The following MYO3B variants were observed in gnomAD, a reference collection of about 807,000 sequenced individuals.
MYO3B encodes myosin IIIB.
MYO3B carries 156 observed loss-of-function variants against 174.6 expected under a neutral mutation model. The ratio of observed to expected loss-of-function variants is 0.89; its 90% CI spans 0.78 to 1.02. The LOEUF (loss-of-function observed/expected upper bound fraction) is 1.02. Among genes scored for constraint, MYO3B ranks in the 50% least tolerant of loss-of-function variants. The pLI is 0.00. For missense variants in MYO3B, 1,632 were observed against 1,639.4 expected (o/e 1.00, Z 0.08); for synonymous variants, 563 against 569.1 (o/e 0.99, Z 0.15).
intron 12 of MYO3B, among the ~76,000 whole-genome samples, chr2:170,385,123 A>T (rs1263164554): frequency 7.9e-5 from 12 of 152,060 alleles, no homozygotes; most frequent in African/African-American, 2.9e-4. Flanking sequence ...TGGGGGGAGG[A>T]AGGGGGCATG....
At chr2:170,183,944 A>G (rs1461967761) in intron 1 of MYO3B, among the ~76,000 whole-genome samples, 1 of 152,124 alleles carries the variant, frequency 6.6e-6, no homozygotes, top group Non-Finnish European at 1.5e-5. Context: ...ATGGTGTTTC[A>G]TACTTTGATA....
At chr2:170,551,309 A>G (rs746066144) in intron 32 of MYO3B, among the ~76,000 whole-genome samples, 1 of 148,824 alleles carries the variant, frequency 6.7e-6, no homozygotes, top group Non-Finnish European at 1.5e-5. Flanking sequence ...GCCCCACCAG[A>G]TCTGAATGTT....
chr2:170,577,203 A>G (rs1692838939), intron 32 of MYO3B, among the ~76,000 whole-genome samples: 1 of 152,256 alleles, frequency 6.6e-6, no homozygotes, highest in Non-Finnish European at 1.5e-5. Flanking sequence ...AAAAAATTCT[A>G]TGTAAAGCTA....
At chr2:170,421,691 C>G (rs2094616445) in intron 22 of MYO3B, among the ~76,000 whole-genome samples, 1 of 152,178 alleles carries the variant, frequency 6.6e-6, no homozygotes, top group South Asian at 2.1e-4. Flanking sequence ...GAACTTCACA[C>G]CTTCCTGGCT....
At chr2:170,473,607 T>C (rs1685122085) in intron 25 of MYO3B, among the ~76,000 whole-genome samples, 1 of 152,202 alleles carries the variant, frequency 6.6e-6, no homozygotes, top group South Asian at 2.1e-4. Flanking sequence ...AGGTAAGTCA[T>C]AGTAGCTCTT....
rs141776814 is a variant in MYO3B at position 170,310,415 on chromosome 2, C to T, written c.750-24970C>T. ...CAGTGGCTCATGCCTGTGATCCCAG[C>T]ACTTTGCGAGACCGAGGCGGGCGGA... is the stretch of plus-strand genomic sequence containing the variant. On this transcript the variant is annotated intron_variant, in intron 7 of 34. Transcript: ENST00000408978. Among the ~76,000 whole-genome samples, 89 of 152,226 alleles carry T rather than the reference C, an allele frequency of 5.8e-4. No homozygotes were observed. The East Asian group carries it at 0.013, about 22-fold the overall frequency.
At chr2:170,265,013 A>G (rs774001803) in intron 7 of MYO3B, among the ~76,000 whole-genome samples, 2 of 152,198 alleles carry the variant, frequency 1.3e-5, no homozygotes, top group Non-Finnish European at 2.9e-5. Context: ...ATAATTGTTG[A>G]GGGCAGAGTT....
At chr2:170,300,356 T>C (rs994999368) in intron 7 of MYO3B, among the ~76,000 whole-genome samples, 6 of 152,198 alleles carry the variant, frequency 3.9e-5, no homozygotes, top group Admixed American at 1.3e-4. Context: ...AGGACTGATA[T>C]GGAGGAAGGC....
intron 6 of MYO3B, among the ~76,000 whole-genome samples, chr2:170,222,247 G>T (rs2092908985): frequency 6.6e-6 from 1 of 152,206 alleles, no homozygotes; most frequent in African/African-American, 2.4e-5. Context: ...AATAGCCACA[G>T]GTGAAGGCAC....
rs16858180 is a variant in MYO3B, at chr2:170,345,587, G to A, written c.815+10137G>A. Among the ~76,000 whole-genome samples, 296 of 151,998 alleles carry A rather than the reference G, an allele frequency of 1.9e-3. 1 individual carries two copies. The highest frequency in any genetic ancestry group is 6.9e-3 in the African/African-American group (288 of 41,440). On this transcript the variant is annotated intron_variant, in intron 8 of 34. Coordinates refer to ENST00000408978, the MANE Select transcript of MYO3B (RefSeq NM_138995.5). ...AATGAGAATTTTTGCCTTTAAAAGA[G>A]GCCCAAAGCTTGAACCTTCAGGCTC...
intron 32 of MYO3B, among the ~76,000 whole-genome samples, chr2:170,584,288 C>T (rs974215459): frequency 6.6e-6 from 1 of 151,940 alleles, no homozygotes; most frequent in African/African-American, 2.4e-5. Context: ...TATATCAAAG[C>T]TATGGATAAA....
chr2:170,423,101 C>T (rs532758304), intron 22 of MYO3B, among the ~76,000 whole-genome samples: 1 of 151,044 alleles, frequency 6.6e-6, no homozygotes, highest in Admixed American at 6.6e-5. Flanking sequence ...CCTGCCTCAG[C>T]CTCCCAAGTA....
chr2:170,564,974 ATTC>A (rs925760440), intron 32 of MYO3B, among the ~76,000 whole-genome samples: 1 of 152,070 alleles, frequency 6.6e-6, no homozygotes, highest in African/African-American at 2.4e-5. Flanking sequence ...TATATTCTCT[ATTC>A]TTTTGCTGCC....
At chr2:170,502,052 C>G (rs1687307529) in intron 28 of MYO3B, among the ~76,000 whole-genome samples, 187 bp downstream of exon 28, 8 of 152,164 alleles carry the variant, frequency 5.3e-5, no homozygotes, top group Admixed American at 5.2e-4. Flanking sequence ...TGAGCATGAG[C>G]ATTTGCTGTT....
chr2:170,260,318 G>A (rs2093336115), intron 7 of MYO3B, among the ~76,000 whole-genome samples: 1 of 152,138 alleles, frequency 6.6e-6, no homozygotes, highest in African/African-American at 2.4e-5. Context: ...GCCCATCAGT[G>A]GTGGATTGGA....
chr2:170,484,119 G>A (rs1005079270), intron 25 of MYO3B, among the ~76,000 whole-genome samples: 3 of 152,220 alleles, frequency 2.0e-5, no homozygotes, highest in Non-Finnish European at 4.4e-5. Context: ...AAGGGAAGAA[G>A]AGAGAGATGG....
intron 23 of MYO3B, among the ~76,000 whole-genome samples, chr2:170,453,167 G>T (rs933094383): frequency 6.6e-6 from 1 of 152,202 alleles, no homozygotes; most frequent in African/African-American, 2.4e-5. Context: ...ATCCGGTATT[G>T]GTTTCAGGGG....
chr2:170,372,655 C>T (rs114651704), intron 9 of MYO3B, among the ~76,000 whole-genome samples: 1,987 of 152,210 alleles, frequency 0.013, 50 homozygotes, highest in African/African-American at 0.045. Flanking sequence ...CAGGTGAGAA[C>T]AGTTCAAAAT....
intron 32 of MYO3B, among the ~76,000 whole-genome samples, chr2:170,578,630 G>A (rs1029404632): frequency 3.3e-5 from 5 of 152,164 alleles, no homozygotes; most frequent in East Asian, 1.9e-4. Flanking sequence ...TGTATTCAAC[G>A]TCCTAGTGTG....
Sources: gnomAD v4.1 joint callset for allele counts (sites outside exome capture counted in the v4.1 genomes callset) on GRCh38, gnomAD v4.1.1 for gene constraint, MANE v1.5 for transcripts, NCBI Gene and HGNC (gene_info 2026-07-23, HGNC 2026-07-21) for gene names.